The following SYN2 variants were observed in gnomAD, a reference collection of about 807,000 sequenced individuals.
SYN2 encodes the protein synapsin-2.
Under a neutral mutation model 50.9 loss-of-function variants are expected in SYN2, and 19 were observed. That is an observed-to-expected ratio of 0.37 (90% CI 0.26 to 0.55). SYN2 has a LOEUF of 0.55. Among genes scored for constraint, SYN2 ranks in the 20% least tolerant of loss-of-function variants. The pLI is 0.81. For missense variants in SYN2, 587 were observed against 576.4 expected, an observed-to-expected ratio of 1.02 and a Z score of -0.19; for synonymous variants, 255 against 224.9, an observed-to-expected ratio of 1.13 and a Z score of -1.20.
intron 1 of SYN2, among the ~76,000 whole-genome samples, chr3:12,075,458 A>G (rs1187942736): frequency 6.6e-6 from 1 of 152,178 alleles, no homozygotes; most frequent in Non-Finnish European, 1.5e-5. Flanking sequence ...GCTATGATAC[A>G]TGGTTTTTAA....
chr3:12,050,676 A>G (rs1286517024), intron 1 of SYN2, among the ~76,000 whole-genome samples: 1 of 132,996 alleles, frequency 7.5e-6, no homozygotes, highest in African/African-American at 2.7e-5. Flanking sequence ...AGACTTGTAA[A>G]GATCTTTGGA....
chr3:12,140,529 C>G (rs1696990575), intron 1 of SYN2, 122 bp from the exon 2 acceptor site: 1 of 704,002 alleles, frequency 1.4e-6, no homozygotes, highest in Non-Finnish European at 2.7e-6. Flanking sequence ...GGATCAGAAC[C>G]CAGGTCTCTT....
At chr3:12,048,510 A>T (rs1385897302) in intron 1 of SYN2, among the ~76,000 whole-genome samples, 3 of 152,186 alleles carry the variant, frequency 2.0e-5, no homozygotes, top group Non-Finnish European at 4.4e-5. Context: ...AATTCTTTTA[A>T]GACTGTTTGC....
chr3:12,004,573 C>A lies in SYN2; in HGVS notation c.22C>A (p.Arg8=). ...CCAGATGATGAACTTCCTGCGGCGC[C>A]GGCTGTCGGACAGCAGCTTCATCGC... MMNFLRR[R]LSDSSFIANL... is the part of the protein sequence containing the mutation. The change falls in exon 1 of 13, where the codon CGG becomes AGG. Residue 8 remains arginine (R), a synonymous_variant. Coordinates refer to ENST00000621198, the MANE Select transcript of SYN2 (RefSeq NM_133625.6). The A allele has an allele frequency of 1.5e-6, 1 of 670,802 alleles. No individual in the cohort carries two copies. Among genetic ancestry groups the A allele is most frequent in the Non-Finnish European group, 2.8e-6 (1 of 360,578 alleles). 41.6% of individuals were successfully genotyped at this position (670,802 alleles called of 1,614,324 possible). A position where few individuals can be genotyped will look rare whatever the true frequency, so the allele number is the denominator to read the frequency against.
intron 1 of SYN2, among the ~76,000 whole-genome samples, chr3:12,120,705 G>T (rs1385720104): frequency 6.6e-6 from 1 of 152,124 alleles, no homozygotes; most frequent in Non-Finnish European, 1.5e-5. Context: ...CTACCTGAGG[G>T]AATACATCTC....
chr3:12,087,679 G>T (rs916003678), intron 1 of SYN2, among the ~76,000 whole-genome samples: 1 of 152,068 alleles, frequency 6.6e-6, no homozygotes, highest in Non-Finnish European at 1.5e-5. Flanking sequence ...CTTGAGCCCA[G>T]GAGGTTGAGG....
At chr3:12,051,243 C>T (rs1450082420) in intron 1 of SYN2, among the ~76,000 whole-genome samples, 1 of 151,896 alleles carries the variant, frequency 6.6e-6, no homozygotes, top group Non-Finnish European at 1.5e-5. Context: ...AAAATTATAG[C>T]TTTCTAAACA....
intron 1 of SYN2, among the ~76,000 whole-genome samples, chr3:12,056,934 A>G (rs772740543): frequency 1.2e-4 from 18 of 152,186 alleles, no homozygotes; most frequent in Non-Finnish European, 2.1e-4. Context: ...TATATAAAAG[A>G]CTGGTTATAT....
chr3:12,158,823 C>T, intron 5 of SYN2: 1 of 1,592,690 alleles, frequency 6.3e-7, no homozygotes. Flanking sequence ...TTGGCGCGGG[C>T]CGAGGGCTCC....
At chr3:12,084,612 G>T (rs307571) in intron 1 of SYN2, among the ~76,000 whole-genome samples, 125,200 of 152,122 alleles carry the variant, frequency 0.82, 52,046 homozygotes, top group Middle Eastern at 0.93. Context: ...AGTAATCACA[G>T]AGTAAAATTC....
intron 1 of SYN2, among the ~76,000 whole-genome samples, chr3:12,007,533 T>C (rs1293051791): frequency 6.6e-6 from 1 of 152,222 alleles, no homozygotes; most frequent in African/African-American, 2.4e-5. Context: ...CTGATTTTAG[T>C]AAAATTGTCT....
intron 1 of SYN2, among the ~76,000 whole-genome samples, chr3:12,123,918 G>C (rs1371074711): frequency 1.3e-5 from 2 of 152,092 alleles, no homozygotes; most frequent in Non-Finnish European, 2.9e-5. Flanking sequence ...GGCTAAGGTG[G>C]GAGGATCTCT....
At chr3:12,093,859 AT>A (rs34441908) in intron 1 of SYN2, among the ~76,000 whole-genome samples, 7,279 of 144,040 alleles carry the variant, frequency 0.051, 192 homozygotes, top group Non-Finnish European at 0.066. Context: ...CTGCCCTGCA[AT>A]TTTTTTTTTT....
intron 11 of SYN2, among the ~76,000 whole-genome samples, chr3:12,186,126 T>C (rs891214374): frequency 1.3e-5 from 2 of 150,490 alleles, no homozygotes; most frequent in Non-Finnish European, 2.9e-5. Flanking sequence ...AGGGTGCAGA[T>C]GTTCTGGTGT....
rs549477062 is a variant in SYN2, at chr3:12,013,219, T to C, written c.377+8291T>C. Among the ~76,000 whole-genome samples the C allele has an allele frequency of 6.6e-5, 10 of 152,334 alleles. No homozygotes were observed. The East Asian group carries it at 1.9e-3, about 29-fold the overall frequency. Reference sequence around the variant, plus strand: ...CTTGGCCCCAAGTGATCCTCCTGCCTCAGCCTCCCAAAGTGTCAAGATTAC... The same window carrying C: ...CTTGGCCCCAAGTGATCCTCCTGCCCCAGCCTCCCAAAGTGTCAAGATTAC... On this transcript the variant is annotated intron_variant, in intron 1 of 12. Coordinates refer to ENST00000621198, the MANE Select transcript of SYN2 (RefSeq NM_133625.6).
At chr3:12,136,159 C>T (rs1696889476) in intron 1 of SYN2, among the ~76,000 whole-genome samples, 1 of 152,108 alleles carries the variant, frequency 6.6e-6, no homozygotes, top group African/African-American at 2.4e-5. Flanking sequence ...AAGGAAGAAG[C>T]CATGTTGGCT....
chr3:12,044,127 C>G (rs547133848), intron 1 of SYN2, among the ~76,000 whole-genome samples: 6 of 150,002 alleles, frequency 4.0e-5, no homozygotes, highest in African/African-American at 4.9e-5. Context: ...TCCCCACTTT[C>G]CAGGTTCTAG....
chr3:12,005,199 C>T (rs1006755832), intron 1 of SYN2, among the ~76,000 whole-genome samples: 1 of 152,076 alleles, frequency 6.6e-6, no homozygotes, highest in African/African-American at 2.4e-5. Context: ...CTACTTTATG[C>T]AACAGGAAAG....
chr3:12,045,156 C>T (rs945730197), intron 1 of SYN2, among the ~76,000 whole-genome samples: 2 of 152,024 alleles, frequency 1.3e-5, no homozygotes, highest in Non-Finnish European at 2.9e-5. Flanking sequence ...CACCAGAGAG[C>T]TGTACATGTG....
Sources: allele counts gnomAD v4.1 joint callset (sites outside exome capture counted in the v4.1 genomes callset), GRCh38; gene constraint gnomAD v4.1.1; transcripts MANE v1.5; gene names NCBI Gene and HGNC (gene_info 2026-07-23, HGNC 2026-07-21).